The following CHUK variants were observed in gnomAD, a reference collection of about 807,000 sequenced individuals.
CHUK encodes component of inhibitor of nuclear factor kappa B kinase complex.
CHUK carries 35 observed loss-of-function variants against 104.8 expected under a neutral mutation model. The ratio of observed to expected loss-of-function variants is 0.33; its 90% CI spans 0.26 to 0.44. The LOEUF (loss-of-function observed/expected upper bound fraction) is 0.44. Ranked by LOEUF, CHUK falls within the 20% of genes least tolerant of loss-of-function variation. The pLI, the probability that CHUK is intolerant of heterozygous loss-of-function variation, is 1.00. For missense variants in CHUK, 663 were observed against 902.7 expected (o/e 0.73, Z 3.40); for synonymous variants, 276 against 291.9 (o/e 0.95, Z 0.56).
At chr10:100,221,195 G>C (rs996344651) in intron 4 of CHUK, among the ~76,000 whole-genome samples, 3 of 152,272 alleles carry the variant, frequency 2.0e-5, no homozygotes, top group Non-Finnish European at 4.4e-5. Context: ...CCAGCACTTT[G>C]GGAGGCCGAG....
chr10:100,213,032 A>AAAAAAAG (rs1220878783), intron 9 of CHUK, among the ~76,000 whole-genome samples: 4 of 151,986 alleles, frequency 2.6e-5, no homozygotes, highest in Admixed American at 2.6e-4. Context: ...AGAAAAAGAA[A>AAAAAAAG]AAAAAAGAAA....
In CHUK at chr10:100,200,751, C is replaced by T; in HGVS notation, c.1599G>A (p.Gln533=). Residue 533 remains glutamine, a synonymous_variant, in exon 15 of 21, where the codon CAG becomes CAA. Coordinates refer to ENST00000370397, the MANE Select transcript of CHUK (RefSeq NM_001278.5). ...TGATTTCAGCATGCAAAGACATAATCTGATCCTCCAGGTATCCAATGACAC... is the reference window on the plus strand; with the variant it reads ...TGATTTCAGCATGCAAAGACATAATTTGATCCTCCAGGTATCCAATGACAC... ...EVGVIGYLED[Q]IMSLHAEIME... The T allele has an allele frequency of 1.2e-6, 2 of 1,606,564 alleles. No individual in the cohort carries two copies. Among genetic ancestry groups the T allele is most frequent in the Non-Finnish European group, 8.5e-7 (1 of 1,173,700 alleles).
chr10:100,210,094 T>TATTTATTTATTTA (rs1554897588), intron 9 of CHUK, among the ~76,000 whole-genome samples: 2 of 105,792 alleles, frequency 1.9e-5, no homozygotes, highest in African/African-American at 6.5e-5. Flanking sequence ...TTTATTTATT[T>TATTTATTTATTTA]TTTTTTTTTT....
chr10:100,223,062 G>A, intron 2 of CHUK, 82 bp from the exon 3 acceptor site: 1 of 727,770 alleles, frequency 1.4e-6, no homozygotes, highest in Non-Finnish European at 2.5e-6. Flanking sequence ...CTTAATTGTG[G>A]GTGGATGAAC....
Position 100,220,602 on chromosome 10 carries a change from C to G in CHUK, c.460G>C (p.Asp154His). Residue 154 changes from aspartate (D) to histidine (H), a missense_variant, in exon 5 of 21, where the codon GAT (aspartate) becomes CAT (histidine). Asp to His is a moderately conservative substitution (Grantham distance 81). Transcript: ENST00000370397. ...DLKPENIVLQDVGGKIIHKII... is the reference protein window; with the variant it reads ...DLKPENIVLQHVGGKIIHKII... ...GTTTCACCTACCTTTCCACCAACAT[C>G]CTGAAGAACTATGTTTTCAGGTTTT... is the stretch of plus-strand genomic sequence containing the variant. 6.2e-7 allele frequency: 1 copy of G among 1,610,614 alleles called. No individual in the cohort carries two copies.
intron 13 of CHUK, among the ~76,000 whole-genome samples, chr10:100,203,764 C>T (rs1845524197): frequency 6.6e-6 from 1 of 151,702 alleles, no homozygotes; most frequent in Non-Finnish European, 1.5e-5. Context: ...TAGTAGGACT[C>T]CACAGTAGAT....
In CHUK at chr10:100,218,727, C is replaced by A; in HGVS notation, c.788G>T (p.Ser263Ile). The A allele has an allele frequency of 6.2e-7, 1 of 1,605,414 alleles. No individual in the cohort carries two copies. The highest frequency in any genetic ancestry group is 8.5e-7 in the Non-Finnish European group (1 of 1,172,152). ...RFSSHLPQPN[S>I]LCSLVVEPME... ...ACTAAAATATACTTACCTACAAAGGCTATTTGGTTGAGGTAAATGGCTACT... is the reference window on the plus strand; with the variant it reads ...ACTAAAATATACTTACCTACAAAGGATATTTGGTTGAGGTAAATGGCTACT... The change falls in exon 8 of 21, where the codon AGC (serine) becomes ATC (isoleucine). Residue 263 changes from serine to isoleucine, a missense_variant. This residue lies in a region of CHUK where 200 missense variants were observed against 333.0 expected (regional missense o/e 0.60). Coordinates refer to ENST00000370397, the MANE Select transcript of CHUK (RefSeq NM_001278.5).
rs193011732 is a variant in CHUK at position 100,201,467 on chromosome 10, C to T, written c.1569+621G>A. 1.8e-3 allele frequency among the ~76,000 whole-genome samples: 267 copies of T among 152,262 alleles called. 4 individuals carry two copies. Among genetic ancestry groups the T allele is most frequent in the South Asian group, 0.012 (57 of 4,828 alleles). On this transcript the variant is annotated intron_variant, in intron 14 of 20. Coordinates refer to ENST00000370397, the MANE Select transcript of CHUK (RefSeq NM_001278.5). ...AGGTAAACCAGGATGTGCAGCCATC[C>T]TATCTAAACCAGTCACAAAAATAAT...
At chr10:100,203,973 C>T (rs1845529487) in intron 13 of CHUK, among the ~76,000 whole-genome samples, 1 of 152,128 alleles carries the variant, frequency 6.6e-6, no homozygotes, top group African/African-American at 2.4e-5. Flanking sequence ...GATTTGAGGG[C>T]CTGCTTTCTG....
At chr10:100,204,448 T>C in intron 13 of CHUK, 58 bp downstream of exon 13, 1 of 1,479,066 alleles carries the variant, frequency 6.8e-7, no homozygotes, top group Non-Finnish European at 9.5e-7. Context: ...GAAGGCAAAA[T>C]AACAGATGGC....
chr10:100,222,286 T>G, intron 3 of CHUK, 105 bp from the exon 4 acceptor site: 1 of 678,900 alleles, frequency 1.5e-6, no homozygotes, highest in Non-Finnish European at 2.6e-6. Context: ...AATGAGAAAA[T>G]AAGTCATAAT....
rs1241803844 is a variant in CHUK, at chr10:100,219,004, T to A, written c.689+4A>T. On this transcript the variant is annotated splice_donor_region_variant and intron_variant, in intron 7 of 20. Coordinates refer to ENST00000370397, the MANE Select transcript of CHUK (RefSeq NM_001278.5). ...GCATGCCCAAGTTCTCATCCATTTC[T>A]TACCAGGTAAATGGCTGCAGATGAT... The A allele has an allele frequency of 6.2e-7, 1 of 1,613,966 alleles. No individual in the cohort carries two copies. The highest frequency in any genetic ancestry group is 8.5e-7 in the Non-Finnish European group (1 of 1,179,946).
rs532307746 is a variant in CHUK at position 100,211,961 on chromosome 10, CA to C, written c.934-2173del. On this transcript the variant is annotated intron_variant, in intron 9 of 20. Coordinates refer to ENST00000370397, the MANE Select transcript of CHUK (RefSeq NM_001278.5). ...AGTGGCATGATCTCTCAGCTCACTA[CA>C]ACTTCCACCTCCTGAATTCAAGCAA... Among the ~76,000 whole-genome samples, 190 of 151,998 alleles carry C rather than the reference CA, an allele frequency of 1.3e-3. 3 individuals carry two copies. The highest frequency in any genetic ancestry group is 2.3e-3 in the Non-Finnish European group (157 of 67,984).
chr10:100,190,729 A>G, intron 20 of CHUK, 140 bp downstream of exon 20: 1 of 736,580 alleles, frequency 1.4e-6, no homozygotes, highest in Non-Finnish European at 2.5e-6. Flanking sequence ...AAGGTTGAGG[A>G]TATTCCCCAA....
rs1375034860 is a variant in CHUK, at chr10:100,218,652, T to C, written c.797+66A>G. The C allele has an allele frequency of 5.3e-5, 54 of 1,010,076 alleles. 1 individual carries two copies. The highest frequency in any genetic ancestry group is 2.0e-4 in the Middle Eastern group (1 of 4,940). The allele number at this position is 1,010,076 out of a possible 1,614,324, so 62.6% of individuals were successfully genotyped here. On this transcript the variant is annotated intron_variant, in intron 8 of 20. Coordinates refer to ENST00000370397, the MANE Select transcript of CHUK (RefSeq NM_001278.5). ...GATAATGCAACTTGAAACAGACAAC[T>C]ACTCTCCTGCTCCTTTACAACTCTG...
chr10:100,200,650 A>G lies in CHUK; in HGVS notation c.1679+21T>C, dbSNP rs767128385. ...CAAAATATTACAGATGTCAAGACCAACAACACAAGTGCATCCTTACAGAGA... is the reference window on the plus strand; with the variant it reads ...CAAAATATTACAGATGTCAAGACCAGCAACACAAGTGCATCCTTACAGAGA... On this transcript the variant is annotated intron_variant, in intron 15 of 20. Coordinates refer to ENST00000370397, the MANE Select transcript of CHUK (RefSeq NM_001278.5). The G allele has an allele frequency of 8.0e-6, 9 of 1,119,394 alleles. No individual in the cohort carries two copies. The South Asian group carries it at 1.1e-4, about 14-fold the overall frequency. The allele number at this position is 1,119,394 out of a possible 1,614,324, so 69.3% of individuals were successfully genotyped here. A position where few individuals can be genotyped will look rare whatever the true frequency, so the allele number is the denominator to read the frequency against.
At position 100,225,931 on chromosome 10, in the gene CHUK, A is replaced by G; in HGVS notation, c.192T>C (p.Ile64=). 6.3e-7 allele frequency: 1 copy of G among 1,583,948 alleles called. No homozygotes were observed. Residue 64 remains isoleucine (I), a synonymous_variant, in exon 2 of 21, where the codon ATT becomes ATC. Coordinates refer to ENST00000370397, the MANE Select transcript of CHUK (RefSeq NM_001278.5). ...TCAAGGAATACACTTACTTCTTCAT[A>G]ATCTGGATTTCATGGCACCATCGTT... is the stretch of plus-strand genomic sequence containing the variant. ...NRERWCHEIQ[I]MKKLNHANVV...
rs748292223 is a variant in CHUK at position 100,200,040 on chromosome 10, C to G, written c.1680-20G>C. 1 of 1,586,254 alleles carries G rather than the reference C, an allele frequency of 6.3e-7. No homozygotes were observed. The highest frequency in any genetic ancestry group is 8.7e-7 in the Non-Finnish European group (1 of 1,154,992). On this transcript the variant is annotated intron_variant, in intron 15 of 20. Coordinates refer to ENST00000370397, the MANE Select transcript of CHUK (RefSeq NM_001278.5). ...TGTTCCCTATAAAAGAGAAAACACG[C>G]TCTGATAAGTGAAGGTAATTTAATG...
At chr10:100,200,831 T>C (rs376354014) in intron 14 of CHUK, 51 bp from the exon 15 acceptor site, 61 of 972,360 alleles carry the variant, frequency 6.3e-5, no homozygotes, top group Admixed American at 3.2e-4. Flanking sequence ...CACTACATCA[T>C]AGGAAACAAA....
Sources: allele counts gnomAD v4.1 joint callset (sites outside exome capture counted in the v4.1 genomes callset), GRCh38; gene constraint gnomAD v4.1.1; regional missense constraint gnomAD v4.1.1; transcripts MANE v1.5; gene names NCBI Gene and HGNC (gene_info 2026-07-23, HGNC 2026-07-21).